Variants in EPHB1 observed in about 807,000 individuals in gnomAD.
EPHB1 encodes the protein ephrin type-B receptor 1.
In EPHB1, 30 loss-of-function variants were observed where a neutral mutation model predicts 94.4. The ratio of observed to expected loss-of-function variants is 0.32; its 90% CI spans 0.24 to 0.43. EPHB1 has a LOEUF of 0.43. Ranked by LOEUF, EPHB1 falls within the 20% of genes least tolerant of loss-of-function variation. The probability of loss-of-function intolerance (pLI) is 1.00; values close to 1 mark genes in which losing one functional copy is unlikely to be tolerated. For missense variants in EPHB1, 1,055 were observed against 1,308.3 expected (o/e 0.81, Z 2.99); for synonymous variants, 522 against 489.1 (o/e 1.07, Z -0.89).
chr3:135,107,280 C>G (rs1939253400), intron 4 of EPHB1, among the ~76,000 whole-genome samples: 2 of 152,194 alleles, frequency 1.3e-5, no homozygotes. Flanking sequence ...GAAGAGCAGT[C>G]TCCCTGCCAA....
chr3:134,870,684 C>T (rs939802533), intron 1 of EPHB1, among the ~76,000 whole-genome samples: 1 of 152,246 alleles, frequency 6.6e-6, no homozygotes, highest in Non-Finnish European at 1.5e-5. Context: ...AAAACCCCAG[C>T]CACAGGCTGA....
intron 1 of EPHB1, among the ~76,000 whole-genome samples, chr3:134,821,537 A>G (rs941545504): frequency 5.9e-5 from 9 of 152,144 alleles, no homozygotes; most frequent in African/African-American, 2.2e-4. Flanking sequence ...GGGTGGGGAG[A>G]CAGAATTAGT....
intron 1 of EPHB1, among the ~76,000 whole-genome samples, chr3:134,896,820 G>A (rs997441027): frequency 9.9e-5 from 15 of 152,232 alleles, no homozygotes; most frequent in African/African-American, 2.2e-4. Flanking sequence ...GGCTATTGTC[G>A]TCAGGCCCTG....
chr3:134,907,591 T>C (rs895206178), intron 1 of EPHB1, among the ~76,000 whole-genome samples: 3 of 152,190 alleles, frequency 2.0e-5, no homozygotes, highest in Admixed American at 1.3e-4. Flanking sequence ...TTATCATCAT[T>C]GCATTACATA....
intron 1 of EPHB1, among the ~76,000 whole-genome samples, chr3:134,881,327 G>C (rs2037726431): frequency 6.6e-6 from 1 of 152,154 alleles, no homozygotes; most frequent in Non-Finnish European, 1.5e-5. Context: ...GTAGATGTGT[G>C]CTTGGCAGGA....
intron 3 of EPHB1, among the ~76,000 whole-genome samples, chr3:135,058,926 A>G (rs1011979393): frequency 6.6e-6 from 1 of 152,246 alleles, no homozygotes; most frequent in Non-Finnish European, 1.5e-5. Flanking sequence ...AATTTGCCAT[A>G]GGAAGATTTT....
intron 4 of EPHB1, among the ~76,000 whole-genome samples, chr3:135,113,876 C>A (rs1939566402): frequency 6.6e-6 from 1 of 152,200 alleles, no homozygotes; most frequent in African/African-American, 2.4e-5. Context: ...TTCTGAATCT[C>A]TCACATTTAT....
chr3:134,929,301 G>C (rs1286421220), intron 2 of EPHB1, among the ~76,000 whole-genome samples: 1 of 152,128 alleles, frequency 6.6e-6, no homozygotes, highest in Non-Finnish European at 1.5e-5. Flanking sequence ...AGGTTTGGAG[G>C]GTGAGGCATG....
chr3:135,227,613 G>A (rs1221882428), intron 12 of EPHB1, among the ~76,000 whole-genome samples: 1 of 151,922 alleles, frequency 6.6e-6, no homozygotes, highest in African/African-American at 2.4e-5. Flanking sequence ...GGCTTCTGAT[G>A]CTATGTTATT....
intron 2 of EPHB1, among the ~76,000 whole-genome samples, chr3:134,945,807 A>G (rs2039205854): frequency 6.6e-6 from 1 of 152,218 alleles, no homozygotes; most frequent in South Asian, 2.1e-4. Context: ...TAGGAAACTG[A>G]CTTTCGGGCA....
At chr3:135,030,179 A>C (rs1200801924) in intron 3 of EPHB1, among the ~76,000 whole-genome samples, 1 of 151,998 alleles carries the variant, frequency 6.6e-6, no homozygotes, top group Non-Finnish European at 1.5e-5. Flanking sequence ...ATTTCCTCCC[A>C]TAGCTCAGAG....
At chr3:134,804,364 C>T (rs564938223) in intron 1 of EPHB1, among the ~76,000 whole-genome samples, 1 of 152,270 alleles carries the variant, frequency 6.6e-6, no homozygotes, top group South Asian at 2.1e-4. Flanking sequence ...GAAAGACCGG[C>T]CACCATGATT....
At position 135,259,911 on chromosome 3, in the gene EPHB1, AAAG is replaced by A. The variant is rs1452932365; in HGVS notation, c.*797_*799del. The A allele has an allele frequency of 1.3e-5, 3 of 230,126 alleles. No homozygotes were observed. Among genetic ancestry groups the A allele is most frequent in the Middle Eastern group, 1.3e-3 (1 of 768 alleles). 14.3% of individuals were successfully genotyped at this position (230,126 alleles called of 1,614,324 possible). The stretch of plus-strand genomic sequence containing the variant: ...CTTGTTCGTAACAGATGCAAACAAG[AAAG>A]AAGAACTGGGAAGTCTTTGTCCCTA... On this transcript the variant is annotated 3_prime_UTR_variant, in exon 16 of 16. Coordinates refer to ENST00000398015, the MANE Select transcript of EPHB1 (RefSeq NM_004441.5).
intron 2 of EPHB1, among the ~76,000 whole-genome samples, chr3:134,933,660 G>C (rs577821378): frequency 1.3e-5 from 2 of 152,312 alleles, no homozygotes; most frequent in East Asian, 3.9e-4. Flanking sequence ...GCACGGAGCA[G>C]CTGGTAAATT....
intron 3 of EPHB1, among the ~76,000 whole-genome samples, chr3:135,042,987 A>G (rs1158700898): frequency 1.3e-5 from 2 of 152,160 alleles, no homozygotes; most frequent in Non-Finnish European, 2.9e-5. Context: ...GACTACAGGC[A>G]TACGCCACCA....
intron 1 of EPHB1, among the ~76,000 whole-genome samples, chr3:134,869,320 A>G (rs9812132): frequency 0.99 from 150,680 of 152,288 alleles, 74,561 homozygotes; most frequent in Middle Eastern, 1. Flanking sequence ...TTCTTGTTGC[A>G]CCTCTGTTGG....
chr3:135,104,609 A>G (rs1423634175), intron 3 of EPHB1, among the ~76,000 whole-genome samples: 2 of 152,212 alleles, frequency 1.3e-5, no homozygotes, highest in Admixed American at 1.3e-4. Flanking sequence ...TTGGTGAAAA[A>G]ACATAGCATT....
chr3:135,215,883 T>C (rs145996950), intron 12 of EPHB1, among the ~76,000 whole-genome samples: 32 of 152,338 alleles, frequency 2.1e-4, no homozygotes, highest in Admixed American at 6.5e-4. Flanking sequence ...AACCTCTTCA[T>C]TGAAACCGTT....
intron 3 of EPHB1, among the ~76,000 whole-genome samples, chr3:135,001,610 C>T (rs991261164): frequency 1.3e-5 from 2 of 152,224 alleles, no homozygotes; most frequent in African/African-American, 2.4e-5. Context: ...CCAATGGCCT[C>T]CCAGAGCACC....
Sources: gnomAD v4.1 joint callset for allele counts (sites outside exome capture counted in the v4.1 genomes callset) on GRCh38, gnomAD v4.1.1 for gene constraint, MANE v1.5 for transcripts, NCBI Gene and HGNC (gene_info 2026-07-23, HGNC 2026-07-21) for gene names.